Variants in PRIM2 observed in about 807,000 individuals in gnomAD.
The protein encoded by PRIM2 is DNA primase subunit 2.
Under a neutral mutation model 67.3 loss-of-function variants are expected in PRIM2, and 39 were observed. The ratio of observed to expected loss-of-function variants is 0.58; its 90% confidence interval spans 0.45 to 0.76. PRIM2 has a LOEUF of 0.76. Ranked by LOEUF, PRIM2 falls within the 30% of genes least tolerant of loss-of-function variation. PRIM2 has a pLI of 0.00. For synonymous variants in PRIM2, 143 were observed against 198.7 expected, an observed-to-expected ratio of 0.72 and a Z score of 2.36; for missense variants, 398 against 598.7, an observed-to-expected ratio of 0.66 and a Z score of 3.50.
the PRIM2 span, among the ~76,000 whole-genome samples, chr6:57,290,500 T>A: frequency 1.3e-5 from 2 of 152,162 alleles, no homozygotes; most frequent in Admixed American, 6.5e-5. Flanking sequence ...CTGGACCAAG[T>A]GGACCTAATA....
chr6:57,638,576 C>CAAAAAAA (rs1227220865), intron 13 of PRIM2, among the ~76,000 whole-genome samples: 176 of 31,896 alleles, frequency 5.5e-3, no homozygotes, highest in East Asian at 0.013. Context: ...AAACAGAAAG[C>CAAAAAAA]AAAAAAAAAA....
At chr6:57,507,219 A>G (rs1774268799) in intron 7 of PRIM2, among the ~76,000 whole-genome samples, 168 bp from the exon 8 acceptor site, 1 of 152,176 alleles carries the variant, frequency 6.6e-6, no homozygotes, top group Admixed American at 6.5e-5. Context: ...TGATCACGTA[A>G]TGTGTGAGGT....
the PRIM2 span, among the ~76,000 whole-genome samples, chr6:57,291,067 G>A: frequency 6.6e-6 from 1 of 151,976 alleles, no homozygotes; most frequent in East Asian, 1.9e-4. Flanking sequence ...CCAGGAGCTG[G>A]TTTTTGAAAA....
intron 7 of PRIM2, among the ~76,000 whole-genome samples, chr6:57,432,729 A>G (rs1581899119): frequency 6.6e-6 from 1 of 152,330 alleles, no homozygotes; most frequent in East Asian, 1.9e-4. Context: ...TAAGCTTTTA[A>G]AAAAATTCCT....
chr6:57,301,117 G>A, the PRIM2 span, among the ~76,000 whole-genome samples: 2 of 152,124 alleles, frequency 1.3e-5, no homozygotes, highest in Non-Finnish European at 2.9e-5. Flanking sequence ...CCTACCTGTT[G>A]AAAGACTGTT....
At chr6:57,590,386 A>G (rs1160573626) in intron 10 of PRIM2, among the ~76,000 whole-genome samples, 1 of 152,220 alleles carries the variant, frequency 6.6e-6, no homozygotes, top group Non-Finnish European at 1.5e-5. Context: ...AAGCTGCAAT[A>G]GAAGAAGGGA....
At chr6:57,450,478 T>C (rs1467607799) in intron 7 of PRIM2, among the ~76,000 whole-genome samples, 1 of 152,216 alleles carries the variant, frequency 6.6e-6, no homozygotes, top group African/African-American at 2.4e-5. Context: ...ACCATAATAG[T>C]TTTCCAGTTA....
the PRIM2 span, among the ~76,000 whole-genome samples, chr6:57,289,655 A>G: frequency 6.6e-6 from 1 of 152,238 alleles, no homozygotes; most frequent in Non-Finnish European, 1.5e-5. Flanking sequence ...AACATTCAAC[A>G]TTCTTAAATA....
At chr6:57,374,669 C>T (rs1395580656) in intron 5 of PRIM2, among the ~76,000 whole-genome samples, 1 of 152,138 alleles carries the variant, frequency 6.6e-6, no homozygotes, top group Non-Finnish European at 1.5e-5. Flanking sequence ...CAGCTCACTA[C>T]AACCTCCACC....
the PRIM2 span, among the ~76,000 whole-genome samples, chr6:57,230,357 C>A: frequency 1.3e-5 from 2 of 152,168 alleles, no homozygotes; most frequent in Non-Finnish European, 2.9e-5. Context: ...GAGCATTCAA[C>A]CTTCTGTTTT....
At chr6:57,494,504 G>T (rs1773963020) in intron 7 of PRIM2, among the ~76,000 whole-genome samples, 1 of 152,156 alleles carries the variant, frequency 6.6e-6, no homozygotes, top group Non-Finnish European at 1.5e-5. Flanking sequence ...CATGTAATTT[G>T]ATTTACTAGG....
intron 10 of PRIM2, among the ~76,000 whole-genome samples, chr6:57,547,895 A>G (rs1377604087): frequency 6.6e-6 from 1 of 152,238 alleles, no homozygotes; most frequent in Non-Finnish European, 1.5e-5. Context: ...GGATGTGAGT[A>G]TATGAAACAT....
At chr6:57,346,850 C>G (rs1362578940) in intron 5 of PRIM2, among the ~76,000 whole-genome samples, 26 of 152,128 alleles carry the variant, frequency 1.7e-4, no homozygotes, top group Non-Finnish European at 2.9e-4. Context: ...GTGGCTTAAT[C>G]TGAGTTACAA....
chr6:57,470,188 TC>T (rs1773301760), intron 7 of PRIM2, among the ~76,000 whole-genome samples: 1 of 151,930 alleles, frequency 6.6e-6, no homozygotes, highest in South Asian at 2.1e-4. Context: ...AATTTAAATT[TC>T]CCCCCAATCT....
chr6:57,530,947 C>A (rs1479455697), intron 8 of PRIM2, among the ~76,000 whole-genome samples: 2 of 152,122 alleles, frequency 1.3e-5, no homozygotes, highest in Non-Finnish European at 2.9e-5. Flanking sequence ...AAGCCATCTG[C>A]CTGCCTCAGC....
At chr6:57,222,320 G>A in the PRIM2 span, 3 of 152,288 alleles carry the variant, frequency 2.0e-5, no homozygotes, top group Non-Finnish European at 4.4e-5. Flanking sequence ...GCCGTGCTTC[G>A]TCTGCGCATG....
chr6:57,378,206 G>A (rs1191134696), intron 5 of PRIM2, among the ~76,000 whole-genome samples: 6 of 151,450 alleles, frequency 4.0e-5, no homozygotes, highest in Non-Finnish European at 8.8e-5. Context: ...GATAACAAGT[G>A]TATACCACCA....
Position 57,320,532 on chromosome 6 carries a change from A to G in PRIM2, c.230A>G (p.Glu77Gly). 6 of 1,607,950 alleles carry G rather than the reference A, an allele frequency of 3.7e-6. No individual in the cohort carries two copies. Among genetic ancestry groups the G allele is most frequent in the South Asian group, 1.1e-5 (1 of 89,760 alleles). The change falls in exon 3 of 14, where the codon GAG becomes GGG. Residue 77 changes from glutamate to glycine, a missense_variant. Around this residue, in one of 4 missense-constraint regions of PRIM2, gnomAD observed 96 missense variants for 98.3 expected, o/e 0.98. Transcript: ENST00000615550. ...TEQYQSKLESELRKLKFSYRE... is the reference protein window; with the variant it reads ...TEQYQSKLESGLRKLKFSYRE... ...CAATACCAGAGTAAGTTGGAGAGTG[A>G]GCTTCGGAAGCTCAAGTTTTCCTAC...
chr6:57,578,600 A>C (rs1386753545), intron 10 of PRIM2, among the ~76,000 whole-genome samples: 1 of 151,324 alleles, frequency 6.6e-6, no homozygotes, highest in African/African-American at 2.4e-5. Flanking sequence ...CAAAATGTTC[A>C]GCTTTGGCCA....
Sources: gnomAD v4.1 joint callset for allele counts (sites outside exome capture counted in the v4.1 genomes callset) on GRCh38, gnomAD v4.1.1 for gene constraint, gnomAD v4.1.1 regional missense constraint, MANE v1.5 for transcripts, NCBI Gene and HGNC (gene_info 2026-07-23, HGNC 2026-07-21) for gene names.